Variants in DOCK3 observed in about 807,000 individuals in gnomAD.
DOCK3 encodes dedicator of cytokinesis protein 3.
A neutral mutation model predicts 265.6 loss-of-function variants in DOCK3; 60 were observed. The observed-to-expected ratio is 0.23, with a 90% confidence interval of 0.18 to 0.28. DOCK3 has a LOEUF of 0.28. DOCK3 is among the 10% of genes least tolerant of loss of function. The pLI, the probability that DOCK3 is intolerant of heterozygous loss-of-function variation, is 1.00. For synonymous variants in DOCK3, 881 were observed against 938.0 expected (o/e 0.94, Z 1.11); for missense variants, 1,981 against 2,594.3 (o/e 0.76, Z 5.14).
chr3:51,029,074 T>A (rs1575816750), intron 5 of DOCK3, among the ~76,000 whole-genome samples: 1 of 152,270 alleles, frequency 6.6e-6, no homozygotes, highest in Middle Eastern at 3.4e-3. Flanking sequence ...TTTAATGGGC[T>A]TTTTTGATTT....
chr3:50,718,771 ATTTTT>A (rs373965842), intron 1 of DOCK3, among the ~76,000 whole-genome samples: 13 of 76,962 alleles, frequency 1.7e-4, no homozygotes, highest in East Asian at 4.1e-4. Flanking sequence ...TTGTGGGTTG[ATTTTT>A]TTTTTTTTTT....
intron 1 of DOCK3, among the ~76,000 whole-genome samples, chr3:50,731,975 A>G (rs375651041): frequency 6.6e-6 from 1 of 152,172 alleles, no homozygotes; most frequent in Non-Finnish European, 1.5e-5. Flanking sequence ...TAGACAATCC[A>G]TAATGAAATG....
intron 51 of DOCK3, among the ~76,000 whole-genome samples, chr3:51,378,900 C>G (rs1316249685): frequency 6.6e-6 from 1 of 152,216 alleles, no homozygotes; most frequent in Non-Finnish European, 1.5e-5. Context: ...AACTGGGGTT[C>G]TGTAGACGCC....
intron 5 of DOCK3, among the ~76,000 whole-genome samples, chr3:50,994,273 T>A (rs918561205): frequency 1.3e-5 from 2 of 152,248 alleles, no homozygotes; most frequent in African/African-American, 4.8e-5. Context: ...CATGTAAATT[T>A]ATCAAGCAGT....
intron 49 of DOCK3, among the ~76,000 whole-genome samples, chr3:51,363,483 A>G (rs1369660332): frequency 6.6e-6 from 1 of 152,062 alleles, no homozygotes; most frequent in Non-Finnish European, 1.5e-5. Flanking sequence ...AAATATCACA[A>G]ATTTATTTAT....
chr3:50,943,800 T>G (rs2076359824), intron 5 of DOCK3, among the ~76,000 whole-genome samples: 1 of 152,124 alleles, frequency 6.6e-6, no homozygotes. Context: ...ATTCAATTCT[T>G]TGGTGGTTTT....
At chr3:51,292,532 G>A (rs1257136162) in intron 27 of DOCK3, among the ~76,000 whole-genome samples, 1 of 152,146 alleles carries the variant, frequency 6.6e-6, no homozygotes, top group Non-Finnish European at 1.5e-5. Flanking sequence ...AGCACTTTGG[G>A]AGGCTGAGAT....
chr3:50,995,935 A>G (rs1190011601), intron 5 of DOCK3, among the ~76,000 whole-genome samples: 1 of 151,840 alleles, frequency 6.6e-6, no homozygotes, highest in Non-Finnish European at 1.5e-5. Context: ...CTTGCTTTGT[A>G]CCCCAGGCTG....
intron 19 of DOCK3, among the ~76,000 whole-genome samples, chr3:51,230,876 T>G (rs1199874476): frequency 5.3e-5 from 8 of 152,164 alleles, no homozygotes; most frequent in Non-Finnish European, 2.9e-5. Context: ...ATTCCATGTC[T>G]TATGTTATTG....
At chr3:50,835,124 T>A (rs2045426159) in intron 2 of DOCK3, among the ~76,000 whole-genome samples, 1 of 152,190 alleles carries the variant, frequency 6.6e-6, no homozygotes, top group South Asian at 2.1e-4. Context: ...ACAAGATTAA[T>A]TTTTCACAAA....
chr3:51,188,215 A>G (rs1045075300), intron 12 of DOCK3, among the ~76,000 whole-genome samples: 1 of 152,206 alleles, frequency 6.6e-6, no homozygotes, highest in African/African-American at 2.4e-5. Flanking sequence ...ATTAGTACGA[A>G]GTGGAAAGCA....
rs9990213 is a variant in DOCK3 at position 51,350,216 on chromosome 3, G to C, written c.4003-72G>C. The C allele has an allele frequency of 8.1e-3, 11,103 of 1,365,884 alleles. 666 individuals carry two copies. The African/African-American group carries it at 0.13, about 16-fold the overall frequency. The allele number at this position is 1,365,884 out of a possible 1,614,324, so 84.6% of individuals were successfully genotyped here. On this transcript the variant is annotated intron_variant, in intron 39 of 52. Coordinates refer to ENST00000266037, the MANE Select transcript of DOCK3 (RefSeq NM_004947.5). ...ATCCCTTTCCAGAAGACAGTGTCCA[G>C]TTGGGCCTGGGAGAACTTCCTTTGG... is the stretch of plus-strand genomic sequence containing the variant.
At chr3:51,353,783 G>A (rs954855006) in intron 40 of DOCK3, among the ~76,000 whole-genome samples, 3 of 151,994 alleles carry the variant, frequency 2.0e-5, no homozygotes, top group African/African-American at 4.8e-5. Context: ...GCCCTGTGAC[G>A]CCTCTCTCTC....
chr3:51,177,877 A>G (rs1576328294), intron 12 of DOCK3, among the ~76,000 whole-genome samples: 1 of 152,072 alleles, frequency 6.6e-6, no homozygotes, highest in East Asian at 1.9e-4. Context: ...TGTAGTCTCA[A>G]ATACTCAGGA....
intron 1 of DOCK3, among the ~76,000 whole-genome samples, chr3:50,712,325 C>T (rs1450408623): frequency 6.6e-6 from 1 of 152,124 alleles, no homozygotes; most frequent in African/African-American, 2.4e-5. Context: ...TCTTTAGCCA[C>T]CTCTTGTAAG....
At chr3:50,934,687 T>TA (rs1333952898) in intron 5 of DOCK3, among the ~76,000 whole-genome samples, 1 of 151,922 alleles carries the variant, frequency 6.6e-6, no homozygotes, top group East Asian at 1.9e-4. Context: ...TGTGGTGGTG[T>TA]GTGCCTGTAG....
intron 2 of DOCK3, among the ~76,000 whole-genome samples, chr3:50,783,291 T>A (rs1382842319): frequency 6.6e-6 from 1 of 152,186 alleles, no homozygotes; most frequent in Non-Finnish European, 1.5e-5. Flanking sequence ...TATGTTCTCA[T>A]CAGCAGTATA....
chr3:50,972,031 C>T, intron 5 of DOCK3, among the ~76,000 whole-genome samples: 1 of 152,234 alleles, frequency 6.6e-6, no homozygotes, highest in East Asian at 1.9e-4. Flanking sequence ...ACAGACAATG[C>T]TTTCTATCTC....
chr3:51,008,609 T>C (rs2078787847), intron 5 of DOCK3, among the ~76,000 whole-genome samples: 1 of 152,212 alleles, frequency 6.6e-6, no homozygotes, highest in African/African-American at 2.4e-5. Context: ...CCTAATTCAA[T>C]ACCCTTTATT....
Sources: allele counts gnomAD v4.1 joint callset (sites outside exome capture counted in the v4.1 genomes callset), GRCh38; gene constraint gnomAD v4.1.1; transcripts MANE v1.5; gene names NCBI Gene and HGNC (gene_info 2026-07-23, HGNC 2026-07-21).